NRCAM: variants seen among roughly 807,000 people sequenced by gnomAD.
NRCAM encodes NgCAM-related cell adhesion molecule.
Under a neutral mutation model 156.5 loss-of-function variants are expected in NRCAM, and 83 were observed. That is an observed-to-expected ratio of 0.53 (90% confidence interval 0.44 to 0.64). The LOEUF (loss-of-function observed/expected upper bound fraction) is 0.64. Among genes scored for constraint, NRCAM ranks in the 30% least tolerant of loss-of-function variants. The pLI is 0.00. For synonymous variants in NRCAM, 538 were observed against 563.9 expected (o/e 0.95, Z 0.65); for missense variants, 1,417 against 1,597.3 (o/e 0.89, Z 1.92).
intron 2 of NRCAM, among the ~76,000 whole-genome samples, chr7:108,339,816 C>T (rs1314755449): frequency 6.6e-6 from 1 of 152,004 alleles, no homozygotes; most frequent in South Asian, 2.1e-4. Flanking sequence ...GAAATGTTCC[C>T]CCTCAAGGCA....
At chr7:108,263,859 ATTATACAC>A (rs1318853386) in intron 3 of NRCAM, among the ~76,000 whole-genome samples, 1 of 152,308 alleles carries the variant, frequency 6.6e-6, no homozygotes, top group East Asian at 1.9e-4. Flanking sequence ...CATTTACCCT[ATTATACAC>A]TCAAGTCTTC....
intron 29 of NRCAM, among the ~76,000 whole-genome samples, chr7:108,167,796 G>C (rs1487095395): frequency 6.6e-6 from 1 of 152,142 alleles, no homozygotes; most frequent in Admixed American, 6.5e-5. Context: ...TACATCAAAC[G>C]TTAAAACATA....
intron 13 of NRCAM, among the ~76,000 whole-genome samples, chr7:108,201,041 C>T (rs1414196881): frequency 1.3e-5 from 2 of 152,218 alleles, no homozygotes; most frequent in East Asian, 3.9e-4. Flanking sequence ...AGTGTGTACA[C>T]TGCTCGGGTG....
intron 3 of NRCAM, among the ~76,000 whole-genome samples, chr7:108,261,630 G>T (rs1235111099): frequency 6.6e-6 from 1 of 152,042 alleles, no homozygotes; most frequent in Non-Finnish European, 1.5e-5. Flanking sequence ...TGGACCCCTC[G>T]TGTGCACCAC....
At chr7:108,309,630 G>T (rs1351380986) in intron 3 of NRCAM, among the ~76,000 whole-genome samples, 3 of 152,172 alleles carry the variant, frequency 2.0e-5, no homozygotes, top group Non-Finnish European at 4.4e-5. Flanking sequence ...GCCAAGGCAG[G>T]CAGATCACTT....
intron 3 of NRCAM, among the ~76,000 whole-genome samples, chr7:108,263,361 C>A (rs142255361): frequency 6.6e-6 from 1 of 152,230 alleles, no homozygotes; most frequent in Non-Finnish European, 1.5e-5. Flanking sequence ...GAGAATAACA[C>A]TAACTCCAAA....
intron 30 of NRCAM, 41 bp from the exon 31 acceptor site, chr7:108,160,533 G>C (rs1362099581): frequency 6.3e-7 from 1 of 1,591,616 alleles, no homozygotes; most frequent in South Asian, 1.1e-5. Context: ...ATAGGTTAAG[G>C]GGAGATGGGA....
chr7:108,226,103 T>C (rs2093404822), intron 9 of NRCAM, 105 bp downstream of exon 9: 2 of 780,854 alleles, frequency 2.6e-6, no homozygotes, highest in East Asian at 5.0e-5. Context: ...GGCTTCCTGA[T>C]AATGAACCTG....
intron 2 of NRCAM, among the ~76,000 whole-genome samples, chr7:108,345,026 C>T (rs200335111): frequency 1.3e-5 from 2 of 152,116 alleles, no homozygotes; most frequent in East Asian, 3.8e-4. Flanking sequence ...TTTACTGAAA[C>T]AAATTAGCAG....
At chr7:108,297,952 C>T (rs539192635) in intron 3 of NRCAM, among the ~76,000 whole-genome samples, 6 of 152,192 alleles carry the variant, frequency 3.9e-5, no homozygotes, top group South Asian at 2.1e-4. Flanking sequence ...GAGGGAGCCT[C>T]GGTGAAAGAC....
chr7:108,293,804 C>T (rs946430537), intron 3 of NRCAM, among the ~76,000 whole-genome samples: 10 of 152,160 alleles, frequency 6.6e-5, no homozygotes, highest in African/African-American at 1.9e-4. Flanking sequence ...AGAGAGCTTA[C>T]GTAACTTGTA....
rs774536509 is a variant in NRCAM, at chr7:108,180,348, C to T, written c.2726G>A (p.Ser909Asn). 6 of 1,614,038 alleles carry T rather than the reference C, an allele frequency of 3.7e-6. No individual in the cohort carries two copies. In the Admixed American group the frequency reaches 8.3e-5, roughly 22 times the overall value. Residue 909 changes from serine to asparagine, a missense_variant, in exon 25 of 33, where the codon AGC becomes AAC. Physicochemically the swap from Ser to Asn is conservative, Grantham distance 46. Around this residue, in one of 2 missense-constraint regions of NRCAM, gnomAD observed 1,238 missense variants for 1,336.4 expected, o/e 0.93. Coordinates refer to ENST00000379028, the MANE Select transcript of NRCAM (RefSeq NM_001037132.4). ...CCCCGGCAACATGCCATGAGTCTTG[C>T]TGCCTTGGAAGGTGAGGATCTTTTT... ...IEKKILTFQGSKTHGMLPGLE... is the reference protein window; with the variant it reads ...IEKKILTFQGNKTHGMLPGLE...
chr7:108,288,465 T>A (rs945357489), intron 3 of NRCAM, among the ~76,000 whole-genome samples: 1 of 152,144 alleles, frequency 6.6e-6, no homozygotes. Flanking sequence ...ATCAGTGTAG[T>A]ATTTTGAGAA....
At chr7:108,275,572 C>T (rs574017180) in intron 3 of NRCAM, among the ~76,000 whole-genome samples, 5 of 152,266 alleles carry the variant, frequency 3.3e-5, no homozygotes, top group South Asian at 2.1e-4. Flanking sequence ...TCTGCGGGAT[C>T]GATGGTGATA....
At chr7:108,423,244 G>C (rs1812607495) in intron 1 of NRCAM, among the ~76,000 whole-genome samples, 1 of 152,064 alleles carries the variant, frequency 6.6e-6, no homozygotes, top group Admixed American at 6.6e-5. Flanking sequence ...AAAGGATAGT[G>C]AGTCAGGAAA....
chr7:108,154,878 G>C (rs1396950936), intron 32 of NRCAM, among the ~76,000 whole-genome samples: 1 of 151,920 alleles, frequency 6.6e-6, no homozygotes, highest in Non-Finnish European at 1.5e-5. Flanking sequence ...CACACACGCG[G>C]AACTTTCCAG....
intron 2 of NRCAM, among the ~76,000 whole-genome samples, chr7:108,332,827 T>A (rs745829622): frequency 6.6e-6 from 1 of 152,184 alleles, no homozygotes; most frequent in Admixed American, 6.5e-5. Context: ...GTGAGAATTA[T>A]CTTTGTATAC....
intron 3 of NRCAM, among the ~76,000 whole-genome samples, chr7:108,261,233 A>G (rs930076583): frequency 5.9e-5 from 9 of 152,166 alleles, no homozygotes; most frequent in Admixed American, 3.3e-4. Flanking sequence ...TATAAAACCC[A>G]CTTAAGACCC....
At chr7:108,395,170 T>C (rs2099773369) in intron 2 of NRCAM, among the ~76,000 whole-genome samples, 1 of 152,240 alleles carries the variant, frequency 6.6e-6, no homozygotes, top group African/African-American at 2.4e-5. Flanking sequence ...CTTGCTATTC[T>C]ATTAACTAAG....
Sources: gnomAD v4.1 joint callset for allele counts (sites outside exome capture counted in the v4.1 genomes callset) on GRCh38, gnomAD v4.1.1 for gene constraint, gnomAD v4.1.1 regional missense constraint, MANE v1.5 for transcripts, NCBI Gene and HGNC (gene_info 2026-07-23, HGNC 2026-07-21) for gene names.